ARHGEF4: variants seen among roughly 807,000 people sequenced by gnomAD.
The protein encoded by ARHGEF4 is Rho guanine nucleotide exchange factor 4.
In ARHGEF4, 119 loss-of-function variants were observed where a neutral mutation model predicts 162.0. The observed-to-expected ratio is 0.73, with a 90% CI of 0.63 to 0.86. ARHGEF4 has a LOEUF of 0.86. Among genes scored for constraint, ARHGEF4 ranks in the 40% least tolerant of loss-of-function variants. The pLI, the probability that ARHGEF4 is intolerant of heterozygous loss-of-function variation, is 0.00. For synonymous variants in ARHGEF4, 1,014 were observed against 979.9 expected (o/e 1.03, Z -0.65); for missense variants, 2,488 against 2,456.0 (o/e 1.01, Z -0.28).
At chr2:130,892,010 T>C (rs1279440154) in intron 1 of ARHGEF4, among the ~76,000 whole-genome samples, 1 of 152,200 alleles carries the variant, frequency 6.6e-6, no homozygotes, top group Non-Finnish European at 1.5e-5. Flanking sequence ...CTTTTTCTCA[T>C]TTTTAAAAAA....
intron 4 of ARHGEF4, among the ~76,000 whole-genome samples, chr2:130,955,639 T>C (rs1684222076): frequency 6.6e-6 from 1 of 152,172 alleles, no homozygotes; most frequent in Admixed American, 6.6e-5. Context: ...CATTGGTTGC[T>C]GATTGCTCTG....
At chr2:130,840,084 G>A (rs1224058276) in intron 1 of ARHGEF4, among the ~76,000 whole-genome samples, 1 of 152,062 alleles carries the variant, frequency 6.6e-6, no homozygotes, top group Non-Finnish European at 1.5e-5. Context: ...GAATTCCTGA[G>A]TACTGCAGCA....
At chr2:130,927,461 T>C (rs925536116) in intron 2 of ARHGEF4, among the ~76,000 whole-genome samples, 1 of 152,042 alleles carries the variant, frequency 6.6e-6, no homozygotes, top group African/African-American at 2.4e-5. Context: ...CCATGACAGG[T>C]GAGGTTGGGA....
Position 131,046,029 on chromosome 2 carries a change from CCT to C in ARHGEF4, c.5480-8_5480-7del, listed in dbSNP as rs1691229501. On this transcript the variant is annotated splice_region_variant and splice_polypyrimidine_tract_variant and intron_variant, in intron 13 of 13. Coordinates refer to ENST00000409359, the MANE Select transcript of ARHGEF4 (RefSeq NM_001367493.1). ...CACCCATGACCCTCTGCTGTCTCTC[CCT>C]GTTCAGCTGTTGGCCGGCCCTGCTA... The C allele has an allele frequency of 6.2e-7, 1 of 1,608,438 alleles. No individual in the cohort carries two copies. The highest frequency in any genetic ancestry group is 1.1e-5 in the South Asian group (1 of 90,702).
chr2:130,992,311 G>T (rs1468932677), intron 4 of ARHGEF4, among the ~76,000 whole-genome samples: 1 of 152,144 alleles, frequency 6.6e-6, no homozygotes, highest in Non-Finnish European at 1.5e-5. Context: ...CACTGTGGAA[G>T]CTTTATTCTT....
chr2:131,045,901 C>T (rs1397529145), intron 13 of ARHGEF4, 137 bp from the exon 14 acceptor site: 1 of 1,493,806 alleles, frequency 6.7e-7, no homozygotes, highest in Non-Finnish European at 8.9e-7. Flanking sequence ...TCTCCAGGAG[C>T]AAGTCCTGTG....
intron 1 of ARHGEF4, among the ~76,000 whole-genome samples, chr2:130,898,967 C>T (rs1680324748): frequency 6.6e-6 from 1 of 152,072 alleles, no homozygotes; most frequent in Non-Finnish European, 1.5e-5. Context: ...ATATTCCCAG[C>T]TTCTTGCCCG....
chr2:130,951,605 A>G lies in ARHGEF4; in HGVS notation c.3985+4970A>G, dbSNP rs148680038. ...CCCTGTCTCATCTTTTTATTGTTCTATTCCTTCTTTACTGTTTTCTTTTTC... is the reference window on the plus strand; with the variant it reads ...CCCTGTCTCATCTTTTTATTGTTCTGTTCCTTCTTTACTGTTTTCTTTTTC... On this transcript the variant is annotated intron_variant, in intron 4 of 13. Coordinates refer to ENST00000409359, the MANE Select transcript of ARHGEF4 (RefSeq NM_001367493.1). Among the ~76,000 whole-genome samples the G allele has an allele frequency of 1.4e-3, 214 of 152,030 alleles. 1 individual carries two copies. In the East Asian group the frequency reaches 0.035, roughly 25 times the overall value.
At chr2:131,012,761 A>G (rs1688538854) in intron 4 of ARHGEF4, among the ~76,000 whole-genome samples, 1 of 152,156 alleles carries the variant, frequency 6.6e-6, no homozygotes, top group Non-Finnish European at 1.5e-5. Context: ...TTGTATTTTT[A>G]GTAGAAATGG....
In ARHGEF4 at chr2:130,846,063, G is replaced by A. The variant is rs140308366; in HGVS notation, c.39+9071G>A. 9.7e-4 allele frequency among the ~76,000 whole-genome samples: 148 copies of A among 151,866 alleles called. 1 individual carries two copies. Among genetic ancestry groups the A allele is most frequent in the African/African-American group, 3.2e-3 (131 of 41,430 alleles). ...CGTCAGTTACACCTCGATCAAGCCA[G>A]GCCCACCTCGGCCAGAAGGCAGCCA... On this transcript the variant is annotated intron_variant, in intron 1 of 13. Coordinates refer to ENST00000409359, the MANE Select transcript of ARHGEF4 (RefSeq NM_001367493.1).
chr2:130,871,633 GA>G lies in ARHGEF4; in HGVS notation c.39+34649del, dbSNP rs78196311. Reference sequence around the variant, plus strand: ...CACACCTGCTTTCAGAAATTTTTAGGAAAAAAAATCTAACTTTATAGCATTT... The same window carrying G: ...CACACCTGCTTTCAGAAATTTTTAGGAAAAAAATCTAACTTTATAGCATTT... On this transcript the variant is annotated intron_variant, in intron 1 of 13. Coordinates refer to ENST00000409359, the MANE Select transcript of ARHGEF4 (RefSeq NM_001367493.1). Among the ~76,000 whole-genome samples the G allele has an allele frequency of 2.9e-4, 43 of 150,522 alleles. 1 individual carries two copies. Among genetic ancestry groups the G allele is most frequent in the Admixed American group, 8.6e-4 (13 of 15,068 alleles).
intron 4 of ARHGEF4, among the ~76,000 whole-genome samples, chr2:130,970,536 C>A (rs533377732): frequency 6.1e-5 from 9 of 148,648 alleles, no homozygotes; most frequent in African/African-American, 2.2e-4. Flanking sequence ...TTGCAGTGAG[C>A]CAAGATCACA....
rs1334026083 is a variant in ARHGEF4 at position 130,916,713 on chromosome 2, A to G, written c.2767A>G (p.Ile923Val). 4 of 1,550,578 alleles carry G rather than the reference A, an allele frequency of 2.6e-6. No individual in the cohort carries two copies. In the Admixed American group the frequency reaches 5.9e-5, roughly 23 times the overall value. The change falls in exon 2 of 14, where the codon ATA becomes GTA. Residue 923 changes from isoleucine to valine, a missense_variant. Ile to Val is a conservative substitution (Grantham distance 29). Coordinates refer to ENST00000409359, the MANE Select transcript of ARHGEF4 (RefSeq NM_001367493.1). ...GACCTTTTCAAACTTTATTGAGTCA[A>G]TAGTTCTAGAGAAAGAGAACACCCA... is the stretch of plus-strand genomic sequence containing the variant. ...HKTFSNFIESIVLEKENTHER... is the reference protein window; with the variant it reads ...HKTFSNFIESVVLEKENTHER...
chr2:131,046,100 C>G lies in ARHGEF4; in HGVS notation c.5542C>G (p.Gln1848Glu), dbSNP rs201555732. 4 of 1,612,972 alleles carry G rather than the reference C, an allele frequency of 2.5e-6. No homozygotes were observed. In the East Asian group the frequency reaches 8.9e-5, roughly 36 times the overall value. ...CCCAGCCCTGCCCAGCAACCGGCCCCAGCAGCAGGTCCTGGTGCTGGCGGA... is the reference window on the plus strand; with the variant it reads ...CCCAGCCCTGCCCAGCAACCGGCCCGAGCAGCAGGTCCTGGTGCTGGCGGA... ...KHPALPSNRP[Q>E]QQVLVLAEPR... is the part of the protein sequence containing the mutation. The change falls in exon 14 of 14, where the codon CAG (glutamine) becomes GAG (glutamate). Residue 1848 changes from glutamine to glutamate, a missense_variant. This residue lies in a region of ARHGEF4 where 415 missense variants were observed against 512.4 expected (regional missense o/e 0.81). Transcript: ENST00000409359.
intron 2 of ARHGEF4, among the ~76,000 whole-genome samples, chr2:130,918,364 T>C (rs1681652531): frequency 1.3e-5 from 2 of 152,222 alleles, no homozygotes. Flanking sequence ...AGAGAAGGGT[T>C]GGATTTCTCA....
rs370435848 is a variant in ARHGEF4 at position 130,995,476 on chromosome 2, A to G, written c.3986-32469A>G. 3.3e-4 allele frequency among the ~76,000 whole-genome samples: 50 copies of G among 152,044 alleles called. No individual in the cohort carries two copies. The East Asian group carries it at 8.9e-3, about 27-fold the overall frequency. ...TGTGTTTAGCGACGCCATCATCTGG[A>G]CCTCTTGTGGATCTGCAGCTATTGA... On this transcript the variant is annotated intron_variant, in intron 4 of 13. Coordinates refer to ENST00000409359, the MANE Select transcript of ARHGEF4 (RefSeq NM_001367493.1).
intron 1 of ARHGEF4, among the ~76,000 whole-genome samples, chr2:130,849,983 T>G (rs982462226): frequency 2.6e-5 from 4 of 152,256 alleles, no homozygotes; most frequent in Non-Finnish European, 5.9e-5. Context: ...CTTGACTTAG[T>G]GGCATCTTTG....
intron 4 of ARHGEF4, among the ~76,000 whole-genome samples, chr2:130,966,416 T>G (rs1685007669): frequency 6.6e-6 from 1 of 152,136 alleles, no homozygotes; most frequent in African/African-American, 2.4e-5. Flanking sequence ...TTGAATATGG[T>G]TGGAAAAGGC....
intron 4 of ARHGEF4, among the ~76,000 whole-genome samples, chr2:131,027,085 C>T (rs1050859504): frequency 6.6e-6 from 1 of 152,202 alleles, no homozygotes; most frequent in Non-Finnish European, 1.5e-5. Context: ...AGAAACCCTC[C>T]AACGCATGCC....
Sources: allele counts gnomAD v4.1 joint callset (sites outside exome capture counted in the v4.1 genomes callset), GRCh38; gene constraint gnomAD v4.1.1; regional missense constraint gnomAD v4.1.1; transcripts MANE v1.5; gene names NCBI Gene and HGNC (gene_info 2026-07-23, HGNC 2026-07-21).